TAAR5: variants seen among roughly 807,000 people sequenced by gnomAD.
The protein encoded by TAAR5 is trace amine associated receptor 5, also known as trace amine-associated receptor 5.
TAAR5 carries 27 observed loss-of-function variants against 21.1 expected under a neutral mutation model. The observed-to-expected ratio is 1.28, with a 90% CI of 0.94 to 1.76. The LOEUF is 1.76. TAAR5 is among the 40% of genes most tolerant of loss of function. TAAR5 has a pLI of 0.00. For missense variants in TAAR5, 495 were observed against 405.6 expected, an observed-to-expected ratio of 1.22 and a Z score of -1.89; for synonymous variants, 203 against 167.5, an observed-to-expected ratio of 1.21 and a Z score of -1.64.
chr6:132,592,308 C>T (rs1776917218), upstream of TAAR5, among the ~76,000 whole-genome samples: 1 of 152,212 alleles, frequency 6.6e-6, no homozygotes, highest in Non-Finnish European at 1.5e-5. Flanking sequence ...TGAGGCTGTG[C>T]TAATTATGAT....
chr6:132,605,782 A>G, the TAAR5 span, among the ~76,000 whole-genome samples: 7 of 150,462 alleles, frequency 4.7e-5, no homozygotes, highest in Non-Finnish European at 1.0e-4. Context: ...CATCGAAGTT[A>G]TTTTTGAAAG....
chr6:132,589,339 G>A lies in TAAR5; in HGVS notation c.348C>T (p.Leu116=), dbSNP rs200752535. Residue 116 remains leucine, a synonymous_variant, in exon 1 of 1, where the codon CTC becomes CTT. Transcript: ENST00000258034. ...LCRLHTYLDT[L]FCLTSIFHLC... ...GATGGAAGATGGAGGTGAGGCAGAA[G>A]AGGGTGTCCAGGTAGGTGTGCAGGC... is the stretch of plus-strand genomic sequence containing the variant. The A allele has an allele frequency of 6.2e-7, 1 of 1,614,078 alleles. No individual in the cohort carries two copies. Among genetic ancestry groups the A allele is most frequent in the South Asian group, 1.1e-5 (1 of 91,080 alleles).
chr6:132,602,680 T>C, the TAAR5 span, among the ~76,000 whole-genome samples: 1 of 151,454 alleles, frequency 6.6e-6, no homozygotes, highest in Admixed American at 6.6e-5. Flanking sequence ...AGGACCCTTA[T>C]CTTTAAGTTT....
chr6:132,609,845 C>A, the TAAR5 span, among the ~76,000 whole-genome samples: 1 of 152,242 alleles, frequency 6.6e-6, no homozygotes, highest in East Asian at 1.9e-4. Flanking sequence ...ACATGCAGTA[C>A]CATGAAACAT....
the TAAR5 span, among the ~76,000 whole-genome samples, chr6:132,596,383 C>A: frequency 6.6e-6 from 1 of 152,012 alleles, no homozygotes; most frequent in Admixed American, 6.6e-5. Context: ...ATTCTGGTGA[C>A]GAATGCGATC....
the TAAR5 span, among the ~76,000 whole-genome samples, chr6:132,596,177 G>A: frequency 6.6e-6 from 1 of 152,270 alleles, no homozygotes; most frequent in East Asian, 1.9e-4. Context: ...ATGAATTCAA[G>A]CTCAAGTTGA....
chr6:132,602,688 T>C, the TAAR5 span, among the ~76,000 whole-genome samples: 3 of 151,292 alleles, frequency 2.0e-5, no homozygotes, highest in Non-Finnish European at 2.9e-5. Flanking sequence ...TATCTTTAAG[T>C]TTGTGAAGGC....
chr6:132,593,412 G>A (rs751604449), upstream of TAAR5, among the ~76,000 whole-genome samples: 5 of 152,118 alleles, frequency 3.3e-5, no homozygotes, highest in Non-Finnish European at 5.9e-5. Flanking sequence ...ATAAATGTTC[G>A]TTGAACCGAG....
At chr6:132,611,075 A>T in the TAAR5 span, among the ~76,000 whole-genome samples, 1 of 152,196 alleles carries the variant, frequency 6.6e-6, no homozygotes, top group Non-Finnish European at 1.5e-5. Context: ...AATATTAGTT[A>T]TCATTTAGCC....
At chr6:132,607,426 A>G in the TAAR5 span, among the ~76,000 whole-genome samples, 402 of 152,220 alleles carry the variant, frequency 2.6e-3, 4 homozygotes, top group Non-Finnish European at 4.5e-3. Flanking sequence ...ACCAAAGTTA[A>G]TGATCTGATT....
the TAAR5 span, among the ~76,000 whole-genome samples, chr6:132,610,815 G>T: frequency 6.6e-6 from 1 of 152,208 alleles, no homozygotes; most frequent in South Asian, 2.1e-4. Flanking sequence ...TCCAGCTTCT[G>T]CCATCAGCCA....
the TAAR5 span, among the ~76,000 whole-genome samples, chr6:132,605,412 G>A: frequency 1.3e-5 from 2 of 152,116 alleles, no homozygotes; most frequent in South Asian, 2.1e-4. Context: ...TACAGCTATC[G>A]GTTTCATTCA....
chr6:132,599,323 CTTTTTTTTTTTT>C, the TAAR5 span, among the ~76,000 whole-genome samples: 7 of 98,490 alleles, frequency 7.1e-5, no homozygotes, highest in East Asian at 3.3e-4. Context: ...CTTTTCTTTT[CTTTTTTTTTTTT>C]TTTTTTTTTT....
At chr6:132,614,574 A>G in the TAAR5 span, among the ~76,000 whole-genome samples, 2 of 152,182 alleles carry the variant, frequency 1.3e-5, no homozygotes, top group Admixed American at 1.3e-4. Context: ...TTGACCCAGT[A>G]CCTTCCCTTT....
chr6:132,590,983 G>A (rs948050272), upstream of TAAR5, among the ~76,000 whole-genome samples: 2 of 152,168 alleles, frequency 1.3e-5, no homozygotes, highest in Non-Finnish European at 2.9e-5. Flanking sequence ...GGTTCATGAA[G>A]GGGTGGTTTG....
chr6:132,615,258 G>A, the TAAR5 span, among the ~76,000 whole-genome samples: 2 of 152,056 alleles, frequency 1.3e-5, no homozygotes, highest in Non-Finnish European at 2.9e-5. Flanking sequence ...TCCGTATATT[G>A]AAAATACACA....
At chr6:132,598,794 A>G in the TAAR5 span, among the ~76,000 whole-genome samples, 1 of 152,184 alleles carries the variant, frequency 6.6e-6, no homozygotes, top group Non-Finnish European at 1.5e-5. Context: ...CAGAGGGACA[A>G]CAAGGACTAG....
the TAAR5 span, among the ~76,000 whole-genome samples, chr6:132,605,134 C>T: frequency 1.3e-5 from 2 of 152,224 alleles, no homozygotes; most frequent in African/African-American, 2.4e-5. Context: ...CTCCTTAATC[C>T]GGTTTGTACA....
chr6:132,603,792 G>T, the TAAR5 span, among the ~76,000 whole-genome samples: 1 of 152,084 alleles, frequency 6.6e-6, no homozygotes. Context: ...TACAATTTAA[G>T]TATTATGGAA....
Sources: allele counts gnomAD v4.1 joint callset (sites outside exome capture counted in the v4.1 genomes callset), GRCh38; gene constraint gnomAD v4.1.1; transcripts MANE v1.5; gene names NCBI Gene and HGNC (gene_info 2026-07-23, HGNC 2026-07-21).